The following GABRA5 variants were observed in gnomAD, a reference collection of about 807,000 sequenced individuals.
GABRA5 encodes gamma-aminobutyric acid receptor subunit alpha-5.
Under a neutral mutation model 47.3 loss-of-function variants are expected in GABRA5, and 18 were observed. That is an observed-to-expected ratio of 0.38 (90% CI 0.26 to 0.56). GABRA5 has a LOEUF of 0.56. Ranked by LOEUF, GABRA5 falls within the 20% of genes least tolerant of loss-of-function variation. The pLI, the probability that GABRA5 is intolerant of heterozygous loss-of-function variation, is 0.71. For missense variants in GABRA5, 365 were observed against 599.3 expected, an observed-to-expected ratio of 0.61 and a Z score of 4.08; for synonymous variants, 237 against 229.3, an observed-to-expected ratio of 1.03 and a Z score of -0.30.
intron 6 of GABRA5, among the ~76,000 whole-genome samples, chr15:26,887,603 C>T (rs931583565): frequency 3.3e-5 from 5 of 152,098 alleles, no homozygotes; most frequent in Admixed American, 6.5e-5. Context: ...CCACCCACAT[C>T]GGCCTCCCAA....
chr15:26,900,560 A>G (rs1304943853), intron 6 of GABRA5, among the ~76,000 whole-genome samples: 1 of 152,104 alleles, frequency 6.6e-6, no homozygotes, highest in Non-Finnish European at 1.5e-5. Context: ...TTTTTGGAGC[A>G]GTTTTAGGTT....
At chr15:26,909,037 A>C (rs1235716352) in intron 6 of GABRA5, among the ~76,000 whole-genome samples, 2 of 152,194 alleles carry the variant, frequency 1.3e-5, no homozygotes, top group African/African-American at 4.8e-5. Flanking sequence ...TTTTCAACAC[A>C]AATTTATTCT....
At chr15:26,925,838 T>C (rs7163259) in intron 7 of GABRA5, among the ~76,000 whole-genome samples, 124,398 of 152,272 alleles carry the variant, frequency 0.82, 51,112 homozygotes, top group East Asian at 0.91. Context: ...GAACTCCCAG[T>C]TCTGTCTTCC....
intron 7 of GABRA5, among the ~76,000 whole-genome samples, chr15:26,924,066 A>G (rs1258340358): frequency 6.7e-6 from 1 of 148,982 alleles, no homozygotes; most frequent in South Asian, 2.1e-4. Flanking sequence ...TCTCTGCTTG[A>G]TTTATTTTTA....
chr15:26,940,893 C>T (rs1426201028), intron 9 of GABRA5, among the ~76,000 whole-genome samples: 1 of 152,198 alleles, frequency 6.6e-6, no homozygotes, highest in African/African-American at 2.4e-5. Context: ...CAGGAAGATA[C>T]TAAAGGCAGT....
At chr15:26,940,924 C>T (rs764023399) in intron 9 of GABRA5, among the ~76,000 whole-genome samples, 14 of 152,210 alleles carry the variant, frequency 9.2e-5, no homozygotes, top group Non-Finnish European at 2.9e-5. Context: ...AGTCGTGATC[C>T]TGGATGCTCA....
At chr15:26,915,681 G>C (rs906128090) in intron 7 of GABRA5, among the ~76,000 whole-genome samples, 1 of 152,142 alleles carries the variant, frequency 6.6e-6, no homozygotes, top group African/African-American at 2.4e-5. Flanking sequence ...AACTGATCTA[G>C]TTTCCATCTT....
Position 26,914,485 on chromosome 15 carries a change from A to T in GABRA5, c.498-318A>T, listed in dbSNP as rs528956621. 2.1e-4 allele frequency among the ~76,000 whole-genome samples: 32 copies of T among 152,312 alleles called. No homozygotes were observed. The East Asian group carries it at 5.4e-3, about 26-fold the overall frequency. ...CAGTCCCGTCAAGGAAAGCTTTATGATAATGCTCAATAAGGGATAGGAAAC... is the reference window on the plus strand; with the variant it reads ...CAGTCCCGTCAAGGAAAGCTTTATGTTAATGCTCAATAAGGGATAGGAAAC... On this transcript the variant is annotated intron_variant, in intron 6 of 10. Coordinates refer to ENST00000335625, the MANE Select transcript of GABRA5 (RefSeq NM_000810.4).
chr15:26,939,673 CAAATCT>C, intron 8 of GABRA5: 1 of 596,082 alleles, frequency 1.7e-6, no homozygotes, highest in Non-Finnish European at 3.0e-6. Flanking sequence ...GTAAAACACA[CAAATCT>C]GATTTTCCCC....
At position 26,948,737 on chromosome 15, in the gene GABRA5, C is replaced by T. The variant is rs562578718; in HGVS notation, c.*504C>T. ...ACAAAATGAATTGCCTTTGATAATT[C>T]TTACTGTTCTGAAATTAGGAAAGTA... is the stretch of plus-strand genomic sequence containing the variant. On this transcript the variant is annotated 3_prime_UTR_variant, in exon 11 of 11. Coordinates refer to ENST00000335625, the MANE Select transcript of GABRA5 (RefSeq NM_000810.4). 53 of 156,708 alleles carry T rather than the reference C, an allele frequency of 3.4e-4. No individual in the cohort carries two copies. Among genetic ancestry groups the T allele is most frequent in the African/African-American group, 1.2e-3 (51 of 41,558 alleles). 9.7% of individuals were successfully genotyped at this position (156,708 alleles called of 1,614,324 possible).
At position 26,908,240 on chromosome 15, in the gene GABRA5, G is replaced by T. The variant is rs147447203; in HGVS notation, c.498-6563G>T. 3.4e-3 allele frequency among the ~76,000 whole-genome samples: 515 copies of T among 152,170 alleles called. 3 individuals are homozygous for T. Among genetic ancestry groups the T allele is most frequent in the African/African-American group, 0.012 (489 of 41,504 alleles). On this transcript the variant is annotated intron_variant, in intron 6 of 10. Coordinates refer to ENST00000335625, the MANE Select transcript of GABRA5 (RefSeq NM_000810.4). The stretch of plus-strand genomic sequence containing the variant: ...AACAGGCCTGTAATCCTTACAGCTG[G>T]GTTTCCTTTCCAAGACGCCCCACTC...
intron 7 of GABRA5, among the ~76,000 whole-genome samples, chr15:26,931,858 A>G (rs1894116066): frequency 2.0e-5 from 3 of 152,218 alleles, no homozygotes; most frequent in South Asian, 4.1e-4. Context: ...ACAGGATAGC[A>G]TCACCACTCA....
intron 6 of GABRA5, among the ~76,000 whole-genome samples, chr15:26,896,985 GAGATGTAGAGAAAAAAAT>G (rs1566872283): frequency 1.5e-5 from 1 of 66,128 alleles, no homozygotes; most frequent in Non-Finnish European, 3.8e-5. Context: ...CTACATCTTA[GAGATGTAGAGAAAAAAAT>G]CTCTACATCT....
intron 6 of GABRA5, among the ~76,000 whole-genome samples, chr15:26,884,830 C>T (rs890111824): frequency 2.0e-5 from 3 of 152,234 alleles, no homozygotes; most frequent in Admixed American, 6.5e-5. Context: ...TGCAGTCTTT[C>T]ATCCTGCTGC....
At chr15:26,888,503 C>G (rs1398755447) in intron 6 of GABRA5, among the ~76,000 whole-genome samples, 1 of 152,064 alleles carries the variant, frequency 6.6e-6, no homozygotes, top group Non-Finnish European at 1.5e-5. Flanking sequence ...GGGACTGGCC[C>G]GAGGTCATCT....
intron 7 of GABRA5, among the ~76,000 whole-genome samples, chr15:26,926,097 A>T (rs1029692121): frequency 6.6e-6 from 1 of 152,154 alleles, no homozygotes; most frequent in Non-Finnish European, 1.5e-5. Flanking sequence ...AGCAAGGGAG[A>T]TGGAGGGGTC....
chr15:26,947,579 A>G (rs1458219678), intron 10 of GABRA5, among the ~76,000 whole-genome samples: 2 of 152,138 alleles, frequency 1.3e-5, no homozygotes, highest in Non-Finnish European at 2.9e-5. Flanking sequence ...TCCATGGTGT[A>G]TATGTACCAC....
Position 26,948,090 on chromosome 15 carries a change from A to C in GABRA5, c.1246A>C (p.Lys416Gln), listed in dbSNP as rs1894558141. 1 of 1,612,292 alleles carries C rather than the reference A, an allele frequency of 6.2e-7. No homozygotes were observed. The highest frequency in any genetic ancestry group is 1.7e-5 in the Admixed American group (1 of 59,838). ...KPSEEKTSESKKTYNSISKID... is the reference protein window; with the variant it reads ...KPSEEKTSESQKTYNSISKID... Reference sequence around the variant, plus strand: ...CTCTGAAGAGAAGACTTCTGAAAGCAAAAAGACTTACAACAGTATCAGCAA... The same window carrying C: ...CTCTGAAGAGAAGACTTCTGAAAGCCAAAAGACTTACAACAGTATCAGCAA... Residue 416 changes from lysine (K) to glutamine (Q), a missense_variant, in exon 11 of 11, where the codon AAA becomes CAA. This residue lies in a region of GABRA5 where 106 missense variants were observed against 130.3 expected (regional missense o/e 0.81). Coordinates refer to ENST00000335625, the MANE Select transcript of GABRA5 (RefSeq NM_000810.4).
rs571604320 is a variant in GABRA5 at position 26,870,918 on chromosome 15, G to A, written c.86+1584G>A. On this transcript the variant is annotated intron_variant, in intron 3 of 10. Transcript: ENST00000335625. Reference sequence around the variant, plus strand: ...TTAAAATATCTTGGCTAGGCCAGGCGTGATGGCTCATGCTTGTAATCCCAG... The same window carrying A: ...TTAAAATATCTTGGCTAGGCCAGGCATGATGGCTCATGCTTGTAATCCCAG... Among the ~76,000 whole-genome samples, 83 of 152,358 alleles carry A rather than the reference G, an allele frequency of 5.4e-4. 1 individual carries two copies. The highest frequency in any genetic ancestry group is 1.6e-3 in the African/African-American group (65 of 41,574).
Sources: gnomAD v4.1 joint callset for allele counts (sites outside exome capture counted in the v4.1 genomes callset) on GRCh38, gnomAD v4.1.1 for gene constraint, gnomAD v4.1.1 regional missense constraint, MANE v1.5 for transcripts, NCBI Gene and HGNC (gene_info 2026-07-23, HGNC 2026-07-21) for gene names.